The following DCC variants were observed in gnomAD, a reference collection of about 807,000 sequenced individuals.
DCC encodes the protein DCC netrin 1 receptor, also known as netrin receptor DCC.
Under a neutral mutation model 172.5 loss-of-function variants are expected in DCC, and 58 were observed. That is an observed-to-expected ratio of 0.34 (90% confidence interval 0.27 to 0.42). The LOEUF is 0.42. DCC is among the 10% of genes least tolerant of loss of function. DCC has a pLI of 1.00. For synonymous variants in DCC, 709 were observed against 644.5 expected (o/e 1.10, Z -1.52); for missense variants, 1,740 against 1,791.0 (o/e 0.97, Z 0.51).
At chr18:52,699,387 A>G (rs2036069029) in intron 1 of DCC, among the ~76,000 whole-genome samples, 1 of 152,210 alleles carries the variant, frequency 6.6e-6, no homozygotes, top group South Asian at 2.1e-4. Context: ...GCAGAGGAAT[A>G]CTATATCTGA....
intron 1 of DCC, among the ~76,000 whole-genome samples, chr18:52,516,338 T>C (rs2031640499): frequency 6.6e-6 from 1 of 152,222 alleles, no homozygotes; most frequent in Admixed American, 6.5e-5. Context: ...AGGCTATGTG[T>C]TGTTCAGCAG....
At chr18:52,397,757 C>T (rs1986285707) in intron 1 of DCC, among the ~76,000 whole-genome samples, 1 of 151,988 alleles carries the variant, frequency 6.6e-6, no homozygotes, top group East Asian at 1.9e-4. Context: ...GTGGTATTGA[C>T]TCTGTGACTC....
At chr18:52,975,427 TG>T (rs1156983226) in intron 5 of DCC, among the ~76,000 whole-genome samples, 1 of 152,130 alleles carries the variant, frequency 6.6e-6, no homozygotes, top group African/African-American at 2.4e-5. Context: ...ACTTGTGTCA[TG>T]GGGGGTTGTT....
intron 1 of DCC, among the ~76,000 whole-genome samples, chr18:52,471,561 T>C (rs1054210914): frequency 7.9e-5 from 12 of 152,190 alleles, no homozygotes; most frequent in African/African-American, 2.9e-4. Flanking sequence ...AAGAAACTTA[T>C]TTCAGCAGCA....
intron 3 of DCC, among the ~76,000 whole-genome samples, chr18:52,921,903 G>A (rs939762103): frequency 3.3e-5 from 5 of 151,772 alleles, no homozygotes; most frequent in African/African-American, 9.7e-5. Context: ...CATTTCTACC[G>A]AGGAGCAGAT....
At chr18:53,416,463 G>A (rs985650700) in intron 21 of DCC, 43 of 509,828 alleles carry the variant, frequency 8.4e-5, no homozygotes, top group Admixed American at 1.5e-4. Context: ...TTCACATTAA[G>A]TATAATTAAG....
chr18:52,872,335 G>A (rs2039334249), intron 2 of DCC, among the ~76,000 whole-genome samples: 1 of 151,474 alleles, frequency 6.6e-6, no homozygotes, highest in Non-Finnish European at 1.5e-5. Context: ...CGACAATGGT[G>A]AATGTTCCTT....
intron 13 of DCC, among the ~76,000 whole-genome samples, chr18:53,307,482 C>T (rs1342104102): frequency 1.3e-5 from 2 of 152,000 alleles, no homozygotes; most frequent in South Asian, 2.1e-4. Context: ...GTAGAGGAGA[C>T]ACTAAGGATA....
chr18:53,184,720 T>G (rs1293374106), intron 9 of DCC, among the ~76,000 whole-genome samples: 1 of 152,212 alleles, frequency 6.6e-6, no homozygotes, highest in Non-Finnish European at 1.5e-5. Flanking sequence ...TATATTCTTA[T>G]GGGACCACCT....
intron 20 of DCC, among the ~76,000 whole-genome samples, chr18:53,415,182 C>T (rs987155853): frequency 1.5e-4 from 23 of 152,184 alleles, no homozygotes; most frequent in Admixed American, 3.3e-4. Context: ...AATAGCGCCA[C>T]ATCTGATGAG....
chr18:52,436,015 C>G (rs970589744), intron 1 of DCC, among the ~76,000 whole-genome samples: 1 of 152,228 alleles, frequency 6.6e-6, no homozygotes, highest in East Asian at 1.9e-4. Flanking sequence ...CCATTCAGCC[C>G]GGAGTTCTCC....
chr18:53,387,759 C>T (rs1188373367), intron 16 of DCC, among the ~76,000 whole-genome samples: 1 of 152,110 alleles, frequency 6.6e-6, no homozygotes, highest in Admixed American at 6.6e-5. Flanking sequence ...GTAAAAGATC[C>T]CCAGTAGCCG....
intron 1 of DCC, among the ~76,000 whole-genome samples, chr18:52,532,533 A>C (rs938900933): frequency 1.3e-5 from 2 of 152,192 alleles, no homozygotes; most frequent in Non-Finnish European, 2.9e-5. Flanking sequence ...ATATTCTGGG[A>C]GCTGGATCTT....
intron 2 of DCC, among the ~76,000 whole-genome samples, chr18:52,771,870 T>TG (rs1464992684): frequency 6.2e-4 from 8 of 12,808 alleles, no homozygotes; most frequent in Admixed American, 8.9e-4. Flanking sequence ...TAGAAACTTG[T>TG]GAAAAAAAAA....
chr18:53,516,566 A>G (rs1324390262), intron 27 of DCC, among the ~76,000 whole-genome samples: 1 of 151,250 alleles, frequency 6.6e-6, no homozygotes, highest in Non-Finnish European at 1.5e-5. Flanking sequence ...CAAAGGGCTA[A>G]TATCCAGAAT....
At chr18:52,921,938 A>G (rs529872783) in intron 3 of DCC, among the ~76,000 whole-genome samples, 6 of 152,128 alleles carry the variant, frequency 3.9e-5, no homozygotes, top group East Asian at 1.9e-4. Flanking sequence ...ATTCAAATGC[A>G]TAGGCCTCTA....
chr18:52,394,456 T>G (rs1465629879), intron 1 of DCC, among the ~76,000 whole-genome samples: 1 of 151,832 alleles, frequency 6.6e-6, no homozygotes, highest in Non-Finnish European at 1.5e-5. Flanking sequence ...TTTTTTTTTT[T>G]GTAGAGGTGG....
At position 52,508,842 on chromosome 18, in the gene DCC, G is replaced by T. The variant is rs1598874879; in HGVS notation, c.91+167964G>T. Among the ~76,000 whole-genome samples, 7 of 152,284 alleles carry T rather than the reference G, an allele frequency of 4.6e-5. 1 individual carries two copies. Among genetic ancestry groups the T allele is most frequent in the Admixed American group, 4.6e-4 (7 of 15,292 alleles). On this transcript the variant is annotated intron_variant, in intron 1 of 28. Transcript: ENST00000442544. ...TTACACAATTTACAGATGAAAAAAGGCTATAAGAGGGAAGAAGATGATGAC... is the reference window on the plus strand; with the variant it reads ...TTACACAATTTACAGATGAAAAAAGTCTATAAGAGGGAAGAAGATGATGAC...
chr18:52,626,658 G>A (rs957739554), intron 1 of DCC, among the ~76,000 whole-genome samples: 3 of 151,966 alleles, frequency 2.0e-5, no homozygotes, highest in African/African-American at 2.4e-5. Context: ...TTAGCCCTCC[G>A]TATCATGGGT....
Sources: allele counts gnomAD v4.1 joint callset (sites outside exome capture counted in the v4.1 genomes callset), GRCh38; gene constraint gnomAD v4.1.1; transcripts MANE v1.5; gene names NCBI Gene and HGNC (gene_info 2026-07-23, HGNC 2026-07-21).